FBF1: variants seen among roughly 807,000 people sequenced by gnomAD.
FBF1 encodes fas-binding factor 1.
A neutral mutation model predicts 147.2 loss-of-function variants in FBF1; 119 were observed. That is an observed-to-expected ratio of 0.81 (90% CI 0.70 to 0.94). The LOEUF (loss-of-function observed/expected upper bound fraction) is 0.94. Ranked by LOEUF, FBF1 falls within the 40% of genes least tolerant of loss-of-function variation. The pLI is 0.00. For missense variants in FBF1, 1,449 were observed against 1,500.8 expected (o/e 0.97, Z 0.57); for synonymous variants, 601 against 609.0 (o/e 0.99, Z 0.19).
chr17:75,917,560 G>A (rs915846600), intron 23 of FBF1, among the ~76,000 whole-genome samples, 172 bp downstream of exon 23: 4 of 152,196 alleles, frequency 2.6e-5, no homozygotes, highest in Non-Finnish European at 5.9e-5. Context: ...ATGCTCAGGT[G>A]GGCAGTGCTG....
intron 7 of FBF1, 52 bp downstream of exon 7, chr17:75,929,945 A>AGGGGGGCCCCCCCCCCCCCCCCCC: frequency 1.5e-6 from 1 of 650,910 alleles, no homozygotes. Flanking sequence ...AAATATCATG[A>AGGGGGGCCCCCCCCCCCCCCCCCC]CCCCACCCCA....
Position 75,913,976 on chromosome 17 carries a change from G to A in FBF1, c.3066C>T (p.Ala1022=). 1 of 1,562,336 alleles carries A rather than the reference G, an allele frequency of 6.4e-7. No homozygotes were observed. Among genetic ancestry groups the A allele is most frequent in the South Asian group, 1.2e-5 (1 of 85,770 alleles). ...EAQQVQAEQQ[A]RLQAVQQQQE... Reference sequence around the variant, plus strand: ...GCTGTTGCTGCACCGCCTGCAACCGGGCCTGCTGCTCTGCCTGCACCTGCT... The same window carrying A: ...GCTGTTGCTGCACCGCCTGCAACCGAGCCTGCTGCTCTGCCTGCACCTGCT... Residue 1022 remains alanine, a synonymous_variant, in exon 27 of 30, where the codon GCC becomes GCT. Coordinates refer to ENST00000636174, the MANE Select transcript of FBF1 (RefSeq NM_001319193.2).
In FBF1 at chr17:75,925,389, A is replaced by G. The variant is rs1438807630; in HGVS notation, c.926T>C (p.Val309Ala). Reference protein sequence around the residue: ...DFTFGAYQPTVVSSEGRQSRR... With the variant: ...DFTFGAYQPTAVSSEGRQSRR... ...GGACTGCCGGCCCTCAGAGGAGACC[A>G]CAGTGGGCTGATAGGCTCCAAAGGT... The change falls in exon 13 of 30, where the codon GTG (valine) becomes GCG (alanine). Residue 309 changes from valine (V) to alanine (A), a missense_variant. Coordinates refer to ENST00000636174, the MANE Select transcript of FBF1 (RefSeq NM_001319193.2). This position sits in a 1 kb window ranked among gnomAD's most constrained non-coding sequence, Gnocchi z 5.0. The G allele has an allele frequency of 6.2e-7, 1 of 1,613,644 alleles. No homozygotes were observed.
chr17:75,929,964 C>CCCCCCTAAAAA, intron 7 of FBF1, 33 bp downstream of exon 7: 5 of 1,402,202 alleles, frequency 3.6e-6, no homozygotes, highest in South Asian at 2.5e-5. Flanking sequence ...CACCCACCCC[C>CCCCCCTAAAAA]AGTTCTAAGA....
In FBF1 at chr17:75,920,003, G is replaced by A. The variant is rs752619093; in HGVS notation, c.1931+4C>T. On this transcript the variant is annotated splice_donor_region_variant and intron_variant, in intron 19 of 29. Transcript: ENST00000636174. ...AGGCAGAGCTGGGGCCAGCGCCAGG[G>A]TACCTGTGTGCACTCTCGATGAGCT... The A allele has an allele frequency of 1.1e-5, 18 of 1,608,280 alleles. No individual in the cohort carries two copies. The Admixed American group carries it at 1.4e-4, about 12-fold the overall frequency.
intron 13 of FBF1, among the ~76,000 whole-genome samples, chr17:75,924,926 C>T (rs952441336): frequency 6.6e-6 from 1 of 151,772 alleles, no homozygotes; most frequent in Non-Finnish European, 1.5e-5. Flanking sequence ...ACGGCAGGTT[C>T]GACAGCAGAG....
At chr17:75,936,088 G>A (rs2065623124) in intron 3 of FBF1, among the ~76,000 whole-genome samples, 3 of 152,178 alleles carry the variant, frequency 2.0e-5, no homozygotes. Flanking sequence ...CAAGGCGGGT[G>A]GATCACCTGA....
At chr17:75,927,654 T>A in intron 8 of FBF1, 122 bp from the exon 9 acceptor site, 2 of 812,440 alleles carry the variant, frequency 2.5e-6, no homozygotes, top group Admixed American at 4.6e-5. Context: ...TGGGGGCTCA[T>A]GGCCATGGGC....
intron 28 of FBF1, chr17:75,913,495 A>C (rs1446244057): frequency 2.1e-6 from 1 of 474,178 alleles, no homozygotes; most frequent in Non-Finnish European, 3.7e-6. Flanking sequence ...GTCCAGAGTT[A>C]CAAAAAGGTG....
chr17:75,924,634 C>G (rs180756482), intron 13 of FBF1, among the ~76,000 whole-genome samples: 2 of 152,132 alleles, frequency 1.3e-5, no homozygotes, highest in Non-Finnish European at 2.9e-5. Context: ...CCCACCACCA[C>G]GCCCAGCTAA....
intron 3 of FBF1, among the ~76,000 whole-genome samples, chr17:75,937,345 T>C (rs1375411538): frequency 2.0e-5 from 3 of 152,016 alleles, no homozygotes; most frequent in Non-Finnish European, 4.4e-5. Flanking sequence ...TAATTTTTTG[T>C]ATTTTTAGCA....
intron 1 of FBF1, among the ~76,000 whole-genome samples, chr17:75,939,558 T>C (rs1436936009): frequency 6.6e-6 from 1 of 152,122 alleles, no homozygotes; most frequent in Non-Finnish European, 1.5e-5. Flanking sequence ...ATATTCTTTT[T>C]CTTTTTAAAA....
Position 75,918,544 on chromosome 17 carries a change from C to G in FBF1, c.2139-275G>C, listed in dbSNP as rs2065503519. Among the ~76,000 whole-genome samples the G allele has an allele frequency of 6.6e-6, 1 of 152,228 alleles. No homozygotes were observed. Among genetic ancestry groups the G allele is most frequent in the Non-Finnish European group, 1.5e-5 (1 of 68,042 alleles). On this transcript the variant is annotated intron_variant, in intron 20 of 29. Transcript: ENST00000636174. This position sits in a 1 kb window ranked among gnomAD's most constrained non-coding sequence, Gnocchi z 5.8. Reference sequence around the variant, plus strand: ...AGAGTCTCTCACTCTGTCGCCCAGGCTGGAGTTCAGTGGCATGATCTCGGC... The same window carrying G: ...AGAGTCTCTCACTCTGTCGCCCAGGGTGGAGTTCAGTGGCATGATCTCGGC...
chr17:75,912,679 C>A (rs766405708), intron 28 of FBF1, among the ~76,000 whole-genome samples: 2 of 152,206 alleles, frequency 1.3e-5, no homozygotes, highest in African/African-American at 4.8e-5. Context: ...ACCTGTTCCA[C>A]GTGTACATTA....
At chr17:75,920,509 G>T in intron 17 of FBF1, 80 bp from the exon 18 acceptor site, 1 of 1,419,174 alleles carries the variant, frequency 7.0e-7, no homozygotes, top group Non-Finnish European at 9.5e-7. Context: ...CTGGCCCACT[G>T]CTCACTGGAC....
At position 75,921,314 on chromosome 17, in the gene FBF1, A is replaced by C; in HGVS notation, c.1616-12T>G. 3.2e-6 allele frequency: 5 copies of C among 1,585,120 alleles called. No homozygotes were observed. The South Asian group carries it at 5.8e-5, about 18-fold the overall frequency. ...ACACGTGGCAGGCTCTGAAACATCA[A>C]CAACAGAGAAATGAACAGGAGGCCC... is the stretch of plus-strand genomic sequence containing the variant. On this transcript the variant is annotated splice_polypyrimidine_tract_variant and intron_variant, in intron 16 of 29. Coordinates refer to ENST00000636174, the MANE Select transcript of FBF1 (RefSeq NM_001319193.2).
chr17:75,911,708 A>G (rs2065457643), intron 29 of FBF1, among the ~76,000 whole-genome samples: 1 of 151,864 alleles, frequency 6.6e-6, no homozygotes, highest in Non-Finnish European at 1.5e-5. Context: ...ACGAGGTCTC[A>G]CTATGTTGCC....
At chr17:75,940,049 G>T (rs919851990) in intron 1 of FBF1, among the ~76,000 whole-genome samples, 1 of 151,912 alleles carries the variant, frequency 6.6e-6, no homozygotes, top group Non-Finnish European at 1.5e-5. Flanking sequence ...GGGTTCAAGC[G>T]AATCTCCTGC....
intron 23 of FBF1, among the ~76,000 whole-genome samples, chr17:75,915,486 A>G (rs1353099572): frequency 6.6e-6 from 1 of 152,192 alleles, no homozygotes; most frequent in East Asian, 1.9e-4. Context: ...GGCTAAGCAC[A>G]GGGTGGCTTA....
Sources: allele counts gnomAD v4.1 joint callset (sites outside exome capture counted in the v4.1 genomes callset), GRCh38; gene constraint gnomAD v4.1.1; non-coding constraint Gnocchi (gnomAD v3.1); transcripts MANE v1.5; gene names NCBI Gene and HGNC (gene_info 2026-07-23, HGNC 2026-07-21).